Variants in NTM observed in about 807,000 individuals in gnomAD.
NTM encodes neurotrimin, also known as IgLON family member 2.
NTM carries 13 observed loss-of-function variants against 42.1 expected under a neutral mutation model. The observed-to-expected ratio is 0.31, with a 90% CI of 0.20 to 0.49. NTM has a LOEUF of 0.49. NTM is among the 20% of genes least tolerant of loss of function. The pLI, the probability that NTM is intolerant of heterozygous loss-of-function variation, is 0.99. For synonymous variants in NTM, 187 were observed against 179.2 expected (o/e 1.04, Z -0.35); for missense variants, 373 against 452.8 (o/e 0.82, Z 1.60).
chr11:131,756,034 G>T (rs1201352103), intron 1 of NTM, among the ~76,000 whole-genome samples: 1 of 152,224 alleles, frequency 6.6e-6, no homozygotes, highest in Non-Finnish European at 1.5e-5. Context: ...CTGGACAGGA[G>T]ACAAGAGAAG....
chr11:131,900,928 C>CA (rs2053067185), intron 1 of NTM, among the ~76,000 whole-genome samples: 1 of 152,024 alleles, frequency 6.6e-6, no homozygotes, highest in African/African-American at 2.4e-5. Context: ...TGTTTTTTGG[C>CA]AAAAATTCCT....
intron 3 of NTM, among the ~76,000 whole-genome samples, chr11:132,187,643 G>A (rs890679738): frequency 2.0e-5 from 3 of 152,148 alleles, no homozygotes; most frequent in African/African-American, 7.2e-5. Context: ...ATGGAGCTGA[G>A]CAGACACAGG....
intron 4 of NTM, among the ~76,000 whole-genome samples, chr11:132,221,606 A>G (rs2085175072): frequency 6.6e-6 from 1 of 152,148 alleles, no homozygotes; most frequent in South Asian, 2.1e-4. Flanking sequence ...TTACTGAACG[A>G]CAGCTGTAAG....
chr11:131,726,612 C>G (rs1468078967), intron 1 of NTM, among the ~76,000 whole-genome samples: 1 of 151,348 alleles, frequency 6.6e-6, no homozygotes, highest in African/African-American at 2.5e-5. Flanking sequence ...CCATCCATGA[C>G]TCTAGGAATT....
At chr11:132,282,728 A>C (rs976547116) in intron 4 of NTM, among the ~76,000 whole-genome samples, 1 of 152,338 alleles carries the variant, frequency 6.6e-6, no homozygotes. Flanking sequence ...TAGGACAGGT[A>C]AAGTGATAAA....
At chr11:131,421,372 C>T (rs1947500376) in intron 1 of NTM, among the ~76,000 whole-genome samples, 1 of 152,214 alleles carries the variant, frequency 6.6e-6, no homozygotes, top group Non-Finnish European at 1.5e-5. Flanking sequence ...CCTTCTCCTG[C>T]CTGGAGGCCG....
At chr11:131,840,497 A>T (rs2044096807) in intron 1 of NTM, among the ~76,000 whole-genome samples, 1 of 152,212 alleles carries the variant, frequency 6.6e-6, no homozygotes, top group African/African-American at 2.4e-5. Context: ...CTCAGTGGCA[A>T]CCTTGAGTCC....
At chr11:131,709,777 C>A (rs947366620) in intron 1 of NTM, among the ~76,000 whole-genome samples, 51 of 152,050 alleles carry the variant, frequency 3.4e-4, no homozygotes, top group African/African-American at 1.2e-3. Context: ...TAAAATGGAG[C>A]GAATATAGAT....
chr11:131,746,223 G>C (rs1207163887), intron 1 of NTM, among the ~76,000 whole-genome samples: 1 of 152,192 alleles, frequency 6.6e-6, no homozygotes, highest in Non-Finnish European at 1.5e-5. Context: ...TTCAGGGCTG[G>C]TGAGATTTAA....
chr11:131,521,383 CTTTTTTTTTTTTTTTTTTTTTTT>C lies in NTM; in HGVS notation c.82+150512_82+150534del, dbSNP rs773233050. 2.1e-3 allele frequency among the ~76,000 whole-genome samples: 97 copies of C among 45,756 alleles called. 2 individuals are homozygous for C. The highest frequency in any genetic ancestry group is 3.8e-3 in the Admixed American group (10 of 2,650). 30.0% of individuals were successfully genotyped at this position (45,756 alleles called of 152,430 possible). ...AATGCAGAAGAAGCAAGGTGCCAGT[CTTTTTTTTTTTTTTTTTTTTTTT>C]TTTTTTTTTTTTTTTTGAGACGGGA... is the stretch of plus-strand genomic sequence containing the variant. On this transcript the variant is annotated intron_variant, in intron 1 of 8. Coordinates refer to ENST00000683400, the MANE Select transcript of NTM (RefSeq NM_001352005.2).
intron 1 of NTM, among the ~76,000 whole-genome samples, chr11:131,715,707 A>G (rs1159101398): frequency 3.3e-5 from 5 of 152,036 alleles, no homozygotes; most frequent in African/African-American, 9.7e-5. Context: ...CTGTCACCAT[A>G]GATTCATTTG....
intron 3 of NTM, among the ~76,000 whole-genome samples, chr11:132,208,309 C>T (rs1458393665): frequency 1.3e-5 from 2 of 152,216 alleles, no homozygotes; most frequent in Non-Finnish European, 2.9e-5. Flanking sequence ...CCCTTAGCAT[C>T]TTAGGCATAT....
chr11:132,257,712 G>A (rs2092588713), intron 4 of NTM, among the ~76,000 whole-genome samples: 1 of 152,212 alleles, frequency 6.6e-6, no homozygotes, highest in Non-Finnish European at 1.5e-5. Context: ...TTACAGATGA[G>A]AAACCTCAAA....
intron 1 of NTM, among the ~76,000 whole-genome samples, chr11:131,379,481 G>T (rs1942385891): frequency 6.6e-6 from 1 of 152,126 alleles, no homozygotes; most frequent in African/African-American, 2.4e-5. Flanking sequence ...AGCCAAACCT[G>T]GGTCTGCCTC....
chr11:131,712,173 T>TA (rs369228119), intron 1 of NTM, among the ~76,000 whole-genome samples: 23,106 of 133,770 alleles, frequency 0.17, 1,940 homozygotes, highest in South Asian at 0.22. Flanking sequence ...ATTAAAAAAT[T>TA]AAAAAAAAAA....
chr11:131,731,066 CTTA>C (rs2079620105), intron 1 of NTM, among the ~76,000 whole-genome samples: 2 of 152,118 alleles, frequency 1.3e-5, no homozygotes, highest in South Asian at 2.1e-4. Context: ...ATTGTTTTCT[CTTA>C]TGATTTTTTA....
chr11:131,725,938 G>A (rs1007043147), intron 1 of NTM, among the ~76,000 whole-genome samples: 1 of 152,176 alleles, frequency 6.6e-6, no homozygotes, highest in Non-Finnish European at 1.5e-5. Flanking sequence ...GCCTGGGAAT[G>A]TGCGTTACTA....
intron 2 of NTM, among the ~76,000 whole-genome samples, chr11:131,932,285 G>A (rs979855583): frequency 3.9e-5 from 6 of 152,318 alleles, no homozygotes; most frequent in Non-Finnish European, 2.9e-5. Flanking sequence ...CGATGGGAAA[G>A]GAAGATGAAG....
intron 1 of NTM, among the ~76,000 whole-genome samples, chr11:131,523,710 A>T (rs1591928979): frequency 1.4e-5 from 2 of 142,140 alleles, no homozygotes; most frequent in Non-Finnish European, 3.0e-5. Context: ...AATAGCTTGA[A>T]CCCAGGTGGC....
Sources: gnomAD v4.1 joint callset for allele counts (sites outside exome capture counted in the v4.1 genomes callset) on GRCh38, gnomAD v4.1.1 for gene constraint, MANE v1.5 for transcripts, NCBI Gene and HGNC (gene_info 2026-07-23, HGNC 2026-07-21) for gene names.